HHEX: variants seen among roughly 807,000 people sequenced by gnomAD.
The protein encoded by HHEX is hematopoietically-expressed homeobox protein HHEX.
A neutral mutation model predicts 27.0 loss-of-function variants in HHEX; 8 were observed. The observed-to-expected ratio is 0.30, with a 90% CI of 0.17 to 0.54. HHEX has a LOEUF of 0.54. Among genes scored for constraint, HHEX ranks in the 20% least tolerant of loss-of-function variants. HHEX has a pLI of 0.95. For missense variants in HHEX, 326 were observed against 357.2 expected (o/e 0.91, Z 0.70); for synonymous variants, 164 against 161.5 (o/e 1.02, Z -0.12).
At chr10:92,691,896 C>A (rs1351471127) in intron 1 of HHEX, 1 of 153,426 alleles carries the variant, frequency 6.5e-6, no homozygotes, top group African/African-American at 2.4e-5. Flanking sequence ...TGTCCGGGCC[C>A]GAGCGCTTCC....
chr10:92,693,059 T>C (rs1845373195), intron 3 of HHEX, among the ~76,000 whole-genome samples: 1 of 152,248 alleles, frequency 6.6e-6, no homozygotes, highest in Admixed American at 6.5e-5. Flanking sequence ...AAAGATAAAG[T>C]AATTGACAGT....
chr10:92,694,814 T>C lies in HHEX; in HGVS notation c.*46T>C, dbSNP rs767424725. 1 of 1,372,284 alleles carries C rather than the reference T, an allele frequency of 7.3e-7. No homozygotes were observed. Among genetic ancestry groups the C allele is most frequent in the Non-Finnish European group, 1.0e-6 (1 of 969,466 alleles). The allele number at this position is 1,372,284 out of a possible 1,614,324, so 85.0% of individuals were successfully genotyped here. Reference sequence around the variant, plus strand: ...TTCAGAAAACTGGATTTAGGAATAATGTTTTGCTACAGAAAATCTTCATAG... The same window carrying C: ...TTCAGAAAACTGGATTTAGGAATAACGTTTTGCTACAGAAAATCTTCATAG... On this transcript the variant is annotated 3_prime_UTR_variant, in exon 4 of 4. Transcript: ENST00000282728.
rs1223273350 is a variant in HHEX at position 92,695,480 on chromosome 10, A to G, written c.*712A>G. The stretch of plus-strand genomic sequence containing the variant: ...GTTAATCGCAGATGAACTAGAAGTC[A>G]CAGGTTAATTAAATGTAAGTAGATT... On this transcript the variant is annotated 3_prime_UTR_variant, in exon 4 of 4. Transcript: ENST00000282728. 1 of 152,692 alleles carries G rather than the reference A, an allele frequency of 6.5e-6. No individual in the cohort carries two copies. The highest frequency in any genetic ancestry group is 2.4e-5 in the African/African-American group (1 of 41,474). The allele number at this position is 152,692 out of a possible 1,614,324, so 9.5% of individuals were successfully genotyped here.
chr10:92,691,132 G>A (rs548468122), intron 1 of HHEX, among the ~76,000 whole-genome samples: 1 of 150,776 alleles, frequency 6.6e-6, no homozygotes, highest in African/African-American at 2.5e-5. Flanking sequence ...GCCTGCAGAC[G>A]GACGGACGGA....
rs1224472544 is a variant in HHEX at position 92,694,575 on chromosome 10, A to T, written c.620A>T (p.Glu207Val). 5 of 1,613,920 alleles carry T rather than the reference A, an allele frequency of 3.1e-6. No homozygotes were observed. The African/African-American group carries it at 6.7e-5, about 22-fold the overall frequency. ...AACCCTCAAAGCAATAAAAAAGAAGAACTGGAAAGTTTGGACAGTTCCTGT... is the reference window on the plus strand; with the variant it reads ...AACCCTCAAAGCAATAAAAAAGAAGTACTGGAAAGTTTGGACAGTTCCTGT... ...QENPQSNKKE[E>V]LESLDSSCDQ... The change falls in exon 4 of 4, where the codon GAA (glutamate) becomes GTA (valine). Residue 207 changes from glutamate to valine, a missense_variant. Coordinates refer to ENST00000282728, the MANE Select transcript of HHEX (RefSeq NM_002729.5).
intron 3 of HHEX, among the ~76,000 whole-genome samples, 159 bp downstream of exon 3, chr10:92,692,911 T>A (rs1181585103): frequency 6.6e-6 from 1 of 152,254 alleles, no homozygotes; most frequent in South Asian, 2.1e-4. Context: ...CAGGATGAGT[T>A]GCTCAGGTGG....
intron 3 of HHEX, among the ~76,000 whole-genome samples, chr10:92,693,336 G>T (rs1013954954): frequency 4.6e-5 from 7 of 152,172 alleles, no homozygotes; most frequent in Admixed American, 6.6e-5. Flanking sequence ...CTTTCTTCCA[G>T]TGACCTTGTT....
chr10:92,690,007 G>T lies in HHEX; in HGVS notation c.21G>T (p.Gly7=). 1 of 1,472,564 alleles carries T rather than the reference G, an allele frequency of 6.8e-7. No individual in the cohort carries two copies. The highest frequency in any genetic ancestry group is 8.9e-7 in the Non-Finnish European group (1 of 1,118,294). The allele number at this position is 1,472,564 out of a possible 1,614,324, so 91.2% of individuals were successfully genotyped here. The change falls in exon 1 of 4, where the codon GGG becomes GGT. Residue 7 remains glycine, a synonymous_variant. Coordinates refer to ENST00000282728, the MANE Select transcript of HHEX (RefSeq NM_002729.5). ...GAGCCATGCAGTACCCGCACCCCGG[G>T]CCGGCGGCGGGCGCCGTGGGGGTGC... The part of the protein sequence containing the change: MQYPHP[G]PAAGAVGVPL...
At position 92,690,060 on chromosome 10, in the gene HHEX, A is replaced by C. The variant is rs1470860448; in HGVS notation, c.74A>C (p.Gln25Pro). Reference protein sequence around the residue: ...VPLYAPTPLLQPAHPTPFYIE... With the variant: ...VPLYAPTPLLPPAHPTPFYIE... ...CTGTACGCGCCCACGCCGCTGCTGC[A>C]ACCCGCACACCCGACGCCCTTTTAC... Residue 25 changes from glutamine to proline, a missense_variant, in exon 1 of 4, where the codon CAA (glutamine) becomes CCA (proline). Physicochemically the swap from Gln to Pro is moderately conservative, Grantham distance 76. Coordinates refer to ENST00000282728, the MANE Select transcript of HHEX (RefSeq NM_002729.5). 1 of 1,540,586 alleles carries C rather than the reference A, an allele frequency of 6.5e-7. No individual in the cohort carries two copies. Among genetic ancestry groups the C allele is most frequent in the Non-Finnish European group, 8.7e-7 (1 of 1,143,532 alleles).
rs761709985 is a variant in HHEX, at chr10:92,694,498, T to C, written c.592-49T>C. ...CATTTTGATTTATTCCTCTCACCTA[T>C]CCATATTTTATGATCCTTCCAATCT... On this transcript the variant is annotated intron_variant, in intron 3 of 3. Coordinates refer to ENST00000282728, the MANE Select transcript of HHEX (RefSeq NM_002729.5). The C allele has an allele frequency of 1.6e-5, 22 of 1,346,320 alleles. No individual in the cohort carries two copies. In the South Asian group the frequency reaches 2.4e-4, roughly 15 times the overall value. 83.4% of individuals were successfully genotyped at this position (1,346,320 alleles called of 1,614,324 possible).
Position 92,695,499 on chromosome 10 carries a change from G to A in HHEX, c.*731G>A, listed in dbSNP as rs1190625575. The stretch of plus-strand genomic sequence containing the variant: ...GAAGTCACAGGTTAATTAAATGTAA[G>A]TAGATTGTAGATACTGTTTTATATC... On this transcript the variant is annotated 3_prime_UTR_variant, in exon 4 of 4. Coordinates refer to ENST00000282728, the MANE Select transcript of HHEX (RefSeq NM_002729.5). 1 of 152,482 alleles carries A rather than the reference G, an allele frequency of 6.6e-6. No individual in the cohort carries two copies. Among genetic ancestry groups the A allele is most frequent in the East Asian group, 1.9e-4 (1 of 5,194 alleles). The allele number at this position is 152,482 out of a possible 1,614,324, so 9.4% of individuals were successfully genotyped here. A position where few individuals can be genotyped will look rare whatever the true frequency, so the allele number is the denominator to read the frequency against.
Position 92,692,585 on chromosome 10 carries a change from G to A in HHEX, c.540+39G>A, listed in dbSNP as rs2275730. On this transcript the variant is annotated intron_variant, in intron 2 of 3. Transcript: ENST00000282728. Reference sequence around the variant, plus strand: ...GGGCCTGGGGCCGCCTCCGGGGAAGGGAAGGCTTCTGGGGTAGGGGTCGCC... The same window carrying A: ...GGGCCTGGGGCCGCCTCCGGGGAAGAGAAGGCTTCTGGGGTAGGGGTCGCC... The A allele has an allele frequency of 4.9e-4, 785 of 1,611,696 alleles. 8 individuals are homozygous for A. The highest frequency in any genetic ancestry group is 1.8e-4 in the East Asian group (8 of 44,844).
intron 1 of HHEX, chr10:92,691,460 T>C (rs893034021): frequency 1.3e-5 from 2 of 152,278 alleles, no homozygotes; most frequent in Non-Finnish European, 2.9e-5. Context: ...CGGCGCGGGC[T>C]CTAGCTCAGC....
intron 2 of HHEX, 72 bp downstream of exon 2, chr10:92,692,618 C>A (rs182124968): frequency 6.2e-7 from 1 of 1,604,324 alleles, no homozygotes; most frequent in Non-Finnish European, 8.5e-7. Flanking sequence ...GCCGGGCCAC[C>A]GAGAGAGAGG....
chr10:92,690,143 T>C lies in HHEX; in HGVS notation c.157T>C (p.Ser53Pro). ...GCCCACGCCCGCCCCCACGCTGCCG[T>C]CCCCCAACTCCTCCTTCACCAGCCT... Reference protein sequence around the residue: ...AAPTPAPTLPSPNSSFTSLVS... With the variant: ...AAPTPAPTLPPPNSSFTSLVS... Residue 53 changes from serine to proline, a missense_variant, in exon 1 of 4, where the codon TCC becomes CCC. By Grantham distance (74) the Ser-to-Pro change is moderately conservative (BLOSUM62 -1). Transcript: ENST00000282728. 6.5e-7 allele frequency: 1 copy of C among 1,547,252 alleles called. No individual in the cohort carries two copies.
At chr10:92,691,260 G>T (rs948498195) in intron 1 of HHEX, among the ~76,000 whole-genome samples, 3 of 152,082 alleles carry the variant, frequency 2.0e-5, no homozygotes, top group African/African-American at 4.8e-5. Flanking sequence ...CTCAATGTGC[G>T]GCCTAACAAA....
At position 92,690,185 on chromosome 10, in the gene HHEX, A is replaced by G. The variant is rs754315134; in HGVS notation, c.199A>G (p.Thr67Ala). Residue 67 changes from threonine (T) to alanine (A), a missense_variant, in exon 1 of 4, where the codon ACC becomes GCC. Physicochemically the swap from Thr to Ala is moderately conservative, Grantham distance 58 (BLOSUM62 0). Transcript: ENST00000282728. Reference sequence around the variant, plus strand: ...CACCAGCCTCGTGTCCCCCTACCGGACCCCGGTGTACGAGCCCACGCCGAT... The same window carrying G: ...CACCAGCCTCGTGTCCCCCTACCGGGCCCCGGTGTACGAGCCCACGCCGAT... ...SFTSLVSPYR[T>A]PVYEPTPIHP... is the part of the protein sequence containing the mutation. 2 of 1,566,268 alleles carry G rather than the reference A, an allele frequency of 1.3e-6. No individual in the cohort carries two copies. The highest frequency in any genetic ancestry group is 8.6e-7 in the Non-Finnish European group (1 of 1,156,908).
At chr10:92,692,273 C>T (rs555618033) in intron 1 of HHEX, 95 bp from the exon 2 acceptor site, 410 of 1,358,806 alleles carry the variant, frequency 3.0e-4, no homozygotes, top group Non-Finnish European at 3.4e-4. Flanking sequence ...GGGTGGCCTC[C>T]TGGCCTACCT....
intron 1 of HHEX, 128 bp downstream of exon 1, chr10:92,690,475 C>T: frequency 1.7e-6 from 2 of 1,147,680 alleles, no homozygotes; most frequent in East Asian, 3.1e-5. Context: ...AAGCAGCTGT[C>T]GGGCACGCGC....
Sources: gnomAD v4.1 joint callset for allele counts (sites outside exome capture counted in the v4.1 genomes callset) on GRCh38, gnomAD v4.1.1 for gene constraint, MANE v1.5 for transcripts, NCBI Gene and HGNC (gene_info 2026-07-23, HGNC 2026-07-21) for gene names.